RGS12: variants seen among roughly 807,000 people sequenced by gnomAD.
RGS12 encodes regulator of G-protein signaling 12.
A neutral mutation model predicts 120.1 loss-of-function variants in RGS12; 66 were observed. The observed-to-expected ratio is 0.55, with a 90% CI of 0.45 to 0.67. The LOEUF (loss-of-function observed/expected upper bound fraction) is 0.67. Ranked by LOEUF, RGS12 falls within the 30% of genes least tolerant of loss-of-function variation. The pLI, the probability that RGS12 is intolerant of heterozygous loss-of-function variation, is 0.00. For missense variants in RGS12, 1,859 were observed against 1,957.7 expected, an observed-to-expected ratio of 0.95 and a Z score of 0.95; for synonymous variants, 827 against 804.7, an observed-to-expected ratio of 1.03 and a Z score of -0.47.
At chr4:3,387,854 A>G (rs1376107391) in intron 4 of RGS12, among the ~76,000 whole-genome samples, 2 of 152,208 alleles carry the variant, frequency 1.3e-5, no homozygotes, top group African/African-American at 4.8e-5. Flanking sequence ...ACCATATATA[A>G]TAAGTTTTAT....
At chr4:3,356,966 C>T (rs577847706) in intron 3 of RGS12, among the ~76,000 whole-genome samples, 3 of 152,208 alleles carry the variant, frequency 2.0e-5, no homozygotes, top group African/African-American at 4.8e-5. Flanking sequence ...GAGGAACCAC[C>T]GTACTGTTTT....
Position 3,316,564 on chromosome 4 carries a change from A to C in RGS12, c.394A>C (p.Asn132His). The C allele has an allele frequency of 6.2e-7, 1 of 1,614,186 alleles. No homozygotes were observed. Among genetic ancestry groups the C allele is most frequent in the Non-Finnish European group, 8.5e-7 (1 of 1,180,048 alleles). The stretch of plus-strand genomic sequence containing the variant: ...GCTGGATTCTAAAGCACTAGGTATA[A>C]ACAGAGCAGAGCGAGTCGTGGAGGA... ...PKLDSKALGI[N>H]RAERVVEEMQ... Residue 132 changes from asparagine (N) to histidine (H), a missense_variant, in exon 2 of 18, where the codon AAC becomes CAC. Coordinates refer to ENST00000336727, the MANE Select transcript of RGS12 (RefSeq NM_001394154.1).
At chr4:3,416,175 A>G in intron 7 of RGS12, 54 bp downstream of exon 7, 4 of 1,594,908 alleles carry the variant, frequency 2.5e-6, no homozygotes, top group Non-Finnish European at 3.4e-6. Context: ...CTCGGGGTAT[A>G]GGGTCCACCT....
At chr4:3,430,213 T>C (rs1467745360) in intron 16 of RGS12, among the ~76,000 whole-genome samples, 194 bp from the exon 17 acceptor site, 1 of 152,116 alleles carries the variant, frequency 6.6e-6, no homozygotes, top group Non-Finnish European at 1.5e-5. Flanking sequence ...GAAGACAGAG[T>C]ATGCTAGAAG....
chr4:3,335,030 A>G (rs189865932), intron 2 of RGS12, among the ~76,000 whole-genome samples: 4 of 152,166 alleles, frequency 2.6e-5, no homozygotes, highest in Admixed American at 6.5e-5. Context: ...TTTACCGGTG[A>G]AGAAATTATG....
In RGS12 at chr4:3,365,514, C is replaced by T. The variant is rs1225461926; in HGVS notation, c.1999-20902C>T. 2.0e-5 allele frequency among the ~76,000 whole-genome samples: 3 copies of T among 152,200 alleles called. No homozygotes were observed. The highest frequency in any genetic ancestry group is 3.4e-3 in the Middle Eastern group (1 of 292). On this transcript the variant is annotated intron_variant, in intron 3 of 17. Coordinates refer to ENST00000336727, the MANE Select transcript of RGS12 (RefSeq NM_001394154.1). The surrounding 1 kb of genome is among the most constrained non-coding windows in gnomAD (Gnocchi z 4.0). ...CTTGCCCATCCAGAGCTGTAAATCCCAGCAAAAACCGACGGAGCCCTGAGT... is the reference window on the plus strand; with the variant it reads ...CTTGCCCATCCAGAGCTGTAAATCCTAGCAAAAACCGACGGAGCCCTGAGT...
At chr4:3,399,173 A>G (rs928261878) in intron 4 of RGS12, among the ~76,000 whole-genome samples, 2 of 152,252 alleles carry the variant, frequency 1.3e-5, no homozygotes, top group East Asian at 1.9e-4. Context: ...TTAAATGTAT[A>G]TATTAGAAAA....
At chr4:3,404,940 T>A (rs1035920733) in intron 4 of RGS12, among the ~76,000 whole-genome samples, 2 of 152,164 alleles carry the variant, frequency 1.3e-5, no homozygotes, top group Non-Finnish European at 2.9e-5. Context: ...AAGGCAGTGC[T>A]TAAGGCATGA....
At chr4:3,301,885 T>C (rs1388900868) in intron 1 of RGS12, among the ~76,000 whole-genome samples, 1 of 152,152 alleles carries the variant, frequency 6.6e-6, no homozygotes, top group Non-Finnish European at 1.5e-5. Context: ...ACAGCCTCTC[T>C]CCAGGGCTAG....
chr4:3,362,841 CTGAG>C (rs1344413718), intron 3 of RGS12, among the ~76,000 whole-genome samples: 18 of 120,700 alleles, frequency 1.5e-4, no homozygotes, highest in East Asian at 2.7e-4. Flanking sequence ...GAGTGTGAGA[CTGAG>C]TGTGAGGGTG....
intron 1 of RGS12, among the ~76,000 whole-genome samples, chr4:3,297,369 T>A (rs1723438544): frequency 1.3e-5 from 2 of 152,224 alleles, no homozygotes; most frequent in Admixed American, 6.5e-5. Context: ...GGATCCTAAG[T>A]GGTCTGTTTT....
At chr4:3,380,625 A>C (rs1287690424) in intron 3 of RGS12, among the ~76,000 whole-genome samples, 1 of 152,206 alleles carries the variant, frequency 6.6e-6, no homozygotes, top group Non-Finnish European at 1.5e-5. Context: ...TTCTTTGCCC[A>C]ATACCACATG....
At chr4:3,289,369 A>AT (rs1289469144), upstream of RGS12, among the ~76,000 whole-genome samples, 1 of 151,898 alleles carries the variant, frequency 6.6e-6, no homozygotes, top group Non-Finnish European at 1.5e-5. Flanking sequence ...CGCCCAGCTA[A>AT]TTTTTTGTGT....
At position 3,366,525 on chromosome 4, in the gene RGS12, TG is replaced by T. The variant is rs1381974169; in HGVS notation, c.1999-19889del. Among the ~76,000 whole-genome samples the T allele has an allele frequency of 2.0e-5, 3 of 152,200 alleles. No homozygotes were observed. The highest frequency in any genetic ancestry group is 7.2e-5 in the African/African-American group (3 of 41,540). On this transcript the variant is annotated intron_variant, in intron 3 of 17. Coordinates refer to ENST00000336727, the MANE Select transcript of RGS12 (RefSeq NM_001394154.1). The surrounding 1 kb of genome is among the most constrained non-coding windows in gnomAD (Gnocchi z 4.0). ...CACGCCCTCCTAGCTGAGAGTGAGGTGGTCCGGCCCCGTGAAGGAGGCAGCA... is the reference window on the plus strand; with the variant it reads ...CACGCCCTCCTAGCTGAGAGTGAGGTGTCCGGCCCCGTGAAGGAGGCAGCA...
intron 4 of RGS12, among the ~76,000 whole-genome samples, chr4:3,405,643 C>T (rs1347991418): frequency 6.6e-6 from 1 of 151,154 alleles, no homozygotes; most frequent in Non-Finnish European, 1.5e-5. Context: ...GAGAGAATGT[C>T]CACCTTCTTA....
At chr4:3,367,835 G>A in intron 3 of RGS12, among the ~76,000 whole-genome samples, 1 of 152,222 alleles carries the variant, frequency 6.6e-6, no homozygotes, top group South Asian at 2.1e-4. Context: ...GGAGAACCCG[G>A]AGGCCCTGTT....
intron 3 of RGS12, among the ~76,000 whole-genome samples, chr4:3,355,726 T>C (rs1238058905): frequency 5.9e-5 from 8 of 136,316 alleles, no homozygotes; most frequent in Non-Finnish European, 1.1e-4. Flanking sequence ...GCCTGGGAGG[T>C]CAAGGCTGCA....
intron 4 of RGS12, among the ~76,000 whole-genome samples, chr4:3,397,022 A>C (rs1720107890): frequency 6.6e-6 from 1 of 152,076 alleles, no homozygotes; most frequent in Non-Finnish European, 1.5e-5. Flanking sequence ...TAAATACTAA[A>C]TCTGGCTTGG....
At chr4:3,303,710 C>T (rs1024603327) in intron 1 of RGS12, among the ~76,000 whole-genome samples, 2 of 152,218 alleles carry the variant, frequency 1.3e-5, no homozygotes, top group African/African-American at 4.8e-5. Flanking sequence ...AACGGAGCTA[C>T]AGAAGCTAAA....
Sources: gnomAD v4.1 joint callset for allele counts (sites outside exome capture counted in the v4.1 genomes callset) on GRCh38, gnomAD v4.1.1 for gene constraint, Gnocchi (gnomAD v3.1) non-coding constraint, MANE v1.5 for transcripts, NCBI Gene and HGNC (gene_info 2026-07-23, HGNC 2026-07-21) for gene names.